FER: variants seen among roughly 807,000 people sequenced by gnomAD.
The protein encoded by FER is FER tyrosine kinase.
Under a neutral mutation model 111.0 loss-of-function variants are expected in FER, and 63 were observed. The observed-to-expected ratio is 0.57, with a 90% CI of 0.46 to 0.70. The LOEUF is 0.70. FER is among the 30% of genes least tolerant of loss of function. FER has a pLI of 0.00. For synonymous variants in FER, 327 were observed against 313.9 expected (o/e 1.04, Z -0.44); for missense variants, 914 against 954.0 (o/e 0.96, Z 0.55).
chr5:109,106,151 C>G (rs969928441), intron 17 of FER, among the ~76,000 whole-genome samples: 1 of 152,102 alleles, frequency 6.6e-6, no homozygotes, highest in South Asian at 2.1e-4. Context: ...GGCAGAAGGC[C>G]GAATGGTATT....
intron 11 of FER, among the ~76,000 whole-genome samples, chr5:108,948,435 T>C (rs1936829555): frequency 6.6e-6 from 1 of 152,124 alleles, no homozygotes; most frequent in Non-Finnish European, 1.5e-5. Flanking sequence ...CTTTCCAGTG[T>C]ACCAAAGGGG....
chr5:108,973,640 A>T (rs1391671218), intron 13 of FER, among the ~76,000 whole-genome samples: 1 of 152,156 alleles, frequency 6.6e-6, no homozygotes, highest in Non-Finnish European at 1.5e-5. Flanking sequence ...AATGAGAAAT[A>T]GAATCAACCT....
At chr5:108,884,407 C>T (rs1014629083) in intron 9 of FER, among the ~76,000 whole-genome samples, 1 of 151,716 alleles carries the variant, frequency 6.6e-6, no homozygotes, top group Non-Finnish European at 1.5e-5. Flanking sequence ...CATTTTTCTT[C>T]TTTTCTGAGA....
intron 17 of FER, among the ~76,000 whole-genome samples, chr5:109,147,804 G>T (rs930220): frequency 0.04 from 4,483 of 112,040 alleles, 67 homozygotes; most frequent in East Asian, 0.057. Context: ...TATATATAGA[G>T]AGAGAGAGAG....
intron 10 of FER, among the ~76,000 whole-genome samples, chr5:108,921,301 A>G (rs1296965120): frequency 6.6e-6 from 1 of 152,116 alleles, no homozygotes; most frequent in African/African-American, 2.4e-5. Context: ...ATACTAATAT[A>G]TGTACTTTGG....
intron 17 of FER, among the ~76,000 whole-genome samples, chr5:109,112,799 T>C (rs532639932): frequency 6.6e-6 from 1 of 152,262 alleles, no homozygotes; most frequent in African/African-American, 2.4e-5. Context: ...TAAAAATGAA[T>C]GTCTAATGCA....
At chr5:109,132,496 A>G (rs888702568) in intron 17 of FER, among the ~76,000 whole-genome samples, 1 of 152,118 alleles carries the variant, frequency 6.6e-6, no homozygotes, top group African/African-American at 2.4e-5. Flanking sequence ...TGCTGTGAGG[A>G]TGGGAGAAGA....
chr5:108,869,670 T>C (rs999597777), intron 6 of FER, among the ~76,000 whole-genome samples: 2 of 152,110 alleles, frequency 1.3e-5, no homozygotes, highest in Non-Finnish European at 2.9e-5. Flanking sequence ...CTAGCTATCA[T>C]TGTGTTATAT....
chr5:108,961,384 C>A (rs924713982), intron 13 of FER, among the ~76,000 whole-genome samples: 1 of 151,900 alleles, frequency 6.6e-6, no homozygotes, highest in Admixed American at 6.6e-5. Flanking sequence ...AAAGCTATAC[C>A]CCTTATAATA....
intron 16 of FER, chr5:109,051,897 T>C: frequency 6.4e-7 from 1 of 1,568,638 alleles, no homozygotes; most frequent in African/African-American, 1.3e-5. Context: ...AGGGATCTCT[T>C]TTGCAAGTGT....
chr5:109,165,460 C>T (rs1026981626), intron 17 of FER, among the ~76,000 whole-genome samples: 2 of 151,990 alleles, frequency 1.3e-5, no homozygotes, highest in Non-Finnish European at 2.9e-5. Flanking sequence ...AAGATGTTAA[C>T]CAAAGGTCAT....
At chr5:109,134,324 A>T (rs1025357495) in intron 17 of FER, among the ~76,000 whole-genome samples, 1 of 152,230 alleles carries the variant, frequency 6.6e-6, no homozygotes, top group South Asian at 2.1e-4. Context: ...TATATAAAAC[A>T]TAAAGTTTCA....
chr5:109,102,213 C>G (rs910705157), intron 17 of FER, among the ~76,000 whole-genome samples: 2 of 152,082 alleles, frequency 1.3e-5, no homozygotes, highest in Non-Finnish European at 2.9e-5. Context: ...GTTTTTCCCA[C>G]TTTGCTTTTT....
chr5:108,765,778 T>C (rs751495772), intron 1 of FER, among the ~76,000 whole-genome samples: 14 of 152,104 alleles, frequency 9.2e-5, no homozygotes, highest in Admixed American at 2.6e-4. Context: ...GATCTAGTAA[T>C]TTTTGGGTTT....
intron 1 of FER, chr5:108,748,698 G>T (rs1037226249): frequency 1.3e-5 from 2 of 152,288 alleles, no homozygotes; most frequent in Non-Finnish European, 2.9e-5. Flanking sequence ...CGCAGCTTGG[G>T]CTAAGCGTGC....
chr5:108,941,192 G>A (rs1204560546), intron 10 of FER, among the ~76,000 whole-genome samples: 1 of 152,168 alleles, frequency 6.6e-6, no homozygotes, highest in African/African-American at 2.4e-5. Flanking sequence ...CTCTCTCAAA[G>A]TATTTGAAGG....
chr5:108,799,647 G>C (rs1756414113), intron 3 of FER, among the ~76,000 whole-genome samples: 1 of 152,050 alleles, frequency 6.6e-6, no homozygotes, highest in African/African-American at 2.4e-5. Context: ...AAATTTAACT[G>C]GATATCCTTT....
chr5:109,137,504 A>T (rs1389531724), intron 17 of FER, among the ~76,000 whole-genome samples: 2 of 152,220 alleles, frequency 1.3e-5, no homozygotes, highest in African/African-American at 4.8e-5. Flanking sequence ...TATAAGAAGT[A>T]GGGCAAGACT....
chr5:109,188,155 T>TGTAAG lies in FER; in HGVS notation c.*583_*587dup, dbSNP rs1161581388. The TGTAAG allele has an allele frequency of 6.6e-6, 1 of 151,716 alleles. No individual in the cohort carries two copies. Among genetic ancestry groups the TGTAAG allele is most frequent in the East Asian group, 1.9e-4 (1 of 5,130 alleles). 9.4% of individuals were successfully genotyped at this position (151,716 alleles called of 1,614,324 possible). ...AGAATCATCATGCTCCTACATTATTTGTAAGGTTGTCATTTTCCTCCTCCT... is the reference window on the plus strand; with the variant it reads ...AGAATCATCATGCTCCTACATTATTTGTAAGGTAAGGTTGTCATTTTCCTCCTCCT... On this transcript the variant is annotated 3_prime_UTR_variant, in exon 20 of 20. Transcript: ENST00000281092.
Sources: allele counts gnomAD v4.1 joint callset (sites outside exome capture counted in the v4.1 genomes callset), GRCh38; gene constraint gnomAD v4.1.1; transcripts MANE v1.5; gene names NCBI Gene and HGNC (gene_info 2026-07-23, HGNC 2026-07-21).